The following KLHL15 variants were observed in gnomAD, a reference collection of about 807,000 sequenced individuals.
The protein encoded by KLHL15 is kelch-like protein 15.
KLHL15 carries 1 observed loss-of-function variant against 29.3 expected under a neutral mutation model. The ratio of observed to expected loss-of-function variants is 0.03; its 90% CI spans 0.01 to 0.16. KLHL15 has a LOEUF of 0.16. KLHL15 is among the 10% of genes least tolerant of loss of function. The probability of loss-of-function intolerance (pLI) is 1.00; values close to 1 mark genes in which losing one functional copy is unlikely to be tolerated. For missense variants in KLHL15, 215 were observed against 478.5 expected (o/e 0.45, Z 5.14); for synonymous variants, 212 against 184.5 (o/e 1.15, Z -1.21).
At chrX:24,013,443 T>C (rs752938337) in intron 2 of KLHL15, among the ~76,000 whole-genome samples, 54 of 110,126 alleles carry the variant, frequency 4.9e-4, no homozygotes, top group Non-Finnish European at 4.7e-4. Flanking sequence ...TTTTTTATTT[T>C]TAGTAGAGAA....
At chrX:23,999,632 T>A (rs758162562) in intron 3 of KLHL15, among the ~76,000 whole-genome samples, 1 of 107,264 alleles carries the variant, frequency 9.3e-6, no homozygotes. Context: ...GCAAGTAAGA[T>A]TGAACTTTTA....
chrX:24,019,025 T>C (rs1254049691), intron 2 of KLHL15, among the ~76,000 whole-genome samples: 2 of 111,362 alleles, frequency 1.8e-5, no homozygotes, highest in African/African-American at 3.3e-5. Flanking sequence ...TAAAGAATAG[T>C]TATTTGTCTT....
At position 24,006,001 on chromosome X, in the gene KLHL15, G is replaced by A. The variant is rs370393564; in HGVS notation, c.693C>T (p.Ser231=). 181 of 1,204,883 alleles carry A rather than the reference G, an allele frequency of 1.5e-4. No individual in the cohort carries two copies. The highest frequency in any genetic ancestry group is 2.4e-4 in the Middle Eastern group (1 of 4,247). The change falls in exon 3 of 4, where the codon AGC becomes AGT. Residue 231 remains serine, a synonymous_variant. Coordinates refer to ENST00000328046, the MANE Select transcript of KLHL15 (RefSeq NM_030624.3). The part of the protein sequence containing the change: ...NIRFCLMTPT[S]VFEKVKTSEF... Reference sequence around the variant, plus strand: ...CAAATGCACTAACCTTCTCAAAAACGCTGGTTGGGGTCATCAAGCAAAACC... The same window carrying A: ...CAAATGCACTAACCTTCTCAAAAACACTGGTTGGGGTCATCAAGCAAAACC...
chrX:23,989,402 C>T, intron 3 of KLHL15, among the ~76,000 whole-genome samples: 1 of 111,026 alleles, frequency 9.0e-6, no homozygotes, highest in Non-Finnish European at 1.9e-5. Flanking sequence ...GTCTTGAACT[C>T]CTGACCTTGT....
intron 2 of KLHL15, among the ~76,000 whole-genome samples, chrX:24,013,544 G>GT (rs1929616875): frequency 1.8e-5 from 2 of 111,004 alleles, no homozygotes; most frequent in African/African-American, 6.5e-5. Context: ...GATTACAGGC[G>GT]TAAGCCACCA....
chrX:24,002,165 A>AT (rs1929340947), intron 3 of KLHL15, among the ~76,000 whole-genome samples: 6 of 109,563 alleles, frequency 5.5e-5, no homozygotes, highest in Admixed American at 1.9e-4. Flanking sequence ...AAATAAATAA[A>AT]GAAAGTATAA....
chrX:24,009,030 C>T (rs958546785), intron 2 of KLHL15, among the ~76,000 whole-genome samples: 2 of 111,406 alleles, frequency 1.8e-5, no homozygotes, highest in African/African-American at 6.5e-5. Context: ...CCATACACAT[C>T]TTCTGATCAA....
Position 23,988,903 on chromosome X carries a change from G to A in KLHL15, c.833C>T (p.Ala278Val). 1 of 1,211,802 alleles carries A rather than the reference G, an allele frequency of 8.3e-7. No individual in the cohort carries two copies. Among genetic ancestry groups the A allele is most frequent in the East Asian group, 3.0e-5 (1 of 33,847 alleles). Residue 278 changes from alanine to valine, a missense_variant, in exon 4 of 4, where the codon GCA becomes GTA. Physicochemically the swap from Ala to Val is moderately conservative, Grantham distance 64. Coordinates refer to ENST00000328046, the MANE Select transcript of KLHL15 (RefSeq NM_030624.3). ...TCGAAATACTGTAGTTTGCGGTTTT[G>A]CAGAACGGATGCGGCTTGACTTCAT... ...LDMKSSRIRSAKPQTTVFRGM... is the reference protein window; with the variant it reads ...LDMKSSRIRSVKPQTTVFRGM...
At chrX:24,003,282 AC>A (rs1929368377) in intron 3 of KLHL15, among the ~76,000 whole-genome samples, 1 of 110,360 alleles carries the variant, frequency 9.1e-6, no homozygotes, top group Non-Finnish European at 1.9e-5. Flanking sequence ...GCGGTGGCTC[AC>A]CCCTGTAATC....
At chrX:24,024,142 AAAG>A (rs751855796) in intron 2 of KLHL15, among the ~76,000 whole-genome samples, 2 of 112,307 alleles carry the variant, frequency 1.8e-5, no homozygotes, top group South Asian at 3.6e-4. Flanking sequence ...CATTTGAATT[AAAG>A]AATACCGTTA....
At chrX:24,001,885 G>A (rs1424812065) in intron 3 of KLHL15, among the ~76,000 whole-genome samples, 1 of 104,670 alleles carries the variant, frequency 9.6e-6, no homozygotes, top group Non-Finnish European at 1.9e-5. Context: ...TGTAATCCCA[G>A]CACTTTGGGA....
rs1242747325 is a variant in KLHL15, at chrX:24,003,576, CA to C, written c.705+2412del. On this transcript the variant is annotated intron_variant, in intron 3 of 3. Coordinates refer to ENST00000328046, the MANE Select transcript of KLHL15 (RefSeq NM_030624.3). The stretch of plus-strand genomic sequence containing the variant: ...TCAAAAAAAACCAAAAAAAAAAAAA[CA>C]AAAAAAAACCATGTAGATGCTACCT... Among the ~76,000 whole-genome samples the C allele has an allele frequency of 5.5e-3, 508 of 91,882 alleles. 3 individuals are homozygous for C. The highest frequency in any genetic ancestry group is 0.021 in the South Asian group (38 of 1,845). The allele number at this position is 91,882 out of a possible 115,157, so 79.8% of individuals were successfully genotyped here. A position where few individuals can be genotyped will look rare whatever the true frequency, so the allele number is the denominator to read the frequency against.
intron 2 of KLHL15, among the ~76,000 whole-genome samples, chrX:24,024,137 G>T (rs1351110237): frequency 2.9e-4 from 32 of 112,071 alleles, no homozygotes. Flanking sequence ...CGTTACATTT[G>T]AATTAAAGAA....
At chrX:24,021,573 T>A (rs1368619607) in intron 2 of KLHL15, among the ~76,000 whole-genome samples, 3 of 112,568 alleles carry the variant, frequency 2.7e-5, no homozygotes, top group African/African-American at 9.7e-5. Context: ...AAAACAGTGC[T>A]TGGCACATAA....
rs1346767276 is a variant in KLHL15 at position 23,983,880 on chromosome X, G to C, written c.*4041C>G. 9.0e-6 allele frequency: 1 copy of C among 111,274 alleles called. No homozygotes were observed. The highest frequency in any genetic ancestry group is 2.8e-4 in the East Asian group (1 of 3,579). 9.2% of individuals were successfully genotyped at this position (111,274 alleles called of 1,213,427 possible). Reference sequence around the variant, plus strand: ...CAAAAATGTAAAGGCTTTCAAAACAGGTATAAAAGGCAAACCTTAAATTAT... The same window carrying C: ...CAAAAATGTAAAGGCTTTCAAAACACGTATAAAAGGCAAACCTTAAATTAT... On this transcript the variant is annotated 3_prime_UTR_variant, in exon 4 of 4. Coordinates refer to ENST00000328046, the MANE Select transcript of KLHL15 (RefSeq NM_030624.3).
At chrX:24,024,278 A>C (rs1036061995) in intron 2 of KLHL15, among the ~76,000 whole-genome samples, 1 of 112,312 alleles carries the variant, frequency 8.9e-6, no homozygotes, top group Non-Finnish European at 1.9e-5. Flanking sequence ...TATAATATAG[A>C]AATAAAGAGG....
At chrX:24,007,175 C>T (rs926117314) in intron 2 of KLHL15, among the ~76,000 whole-genome samples, 4 of 110,188 alleles carry the variant, frequency 3.6e-5, no homozygotes, top group African/African-American at 1.3e-4. Context: ...GCCTGGGCAA[C>T]AGAGCACGAC....
At chrX:23,990,006 C>T (rs934826870) in intron 3 of KLHL15, among the ~76,000 whole-genome samples, 3 of 109,314 alleles carry the variant, frequency 2.7e-5, no homozygotes, top group Non-Finnish European at 5.7e-5. Flanking sequence ...ATGATGACTA[C>T]CAAGATTTAT....
At chrX:24,016,368 A>AAG (rs1555978285) in intron 2 of KLHL15, among the ~76,000 whole-genome samples, 993 of 76,198 alleles carry the variant, frequency 0.013, 34 homozygotes, top group Non-Finnish European at 0.02. Context: ...AAAAAAAAAA[A>AAG]GGGGGGGTAT....
Sources: gnomAD v4.1 joint callset for allele counts (sites outside exome capture counted in the v4.1 genomes callset) on GRCh38, gnomAD v4.1.1 for gene constraint, MANE v1.5 for transcripts, NCBI Gene and HGNC (gene_info 2026-07-23, HGNC 2026-07-21) for gene names.